CYP2E1: variants seen among roughly 807,000 people sequenced by gnomAD.
CYP2E1 encodes the protein cytochrome P450 2E1.
In CYP2E1, 31 loss-of-function variants were observed where a neutral mutation model predicts 42.9. The observed-to-expected ratio is 0.72, with a 90% CI of 0.54 to 0.98. The LOEUF (loss-of-function observed/expected upper bound fraction) is 0.98, where lower values mean the gene tolerates loss of function less well. Ranked by LOEUF, CYP2E1 falls within the 50% of genes least tolerant of loss-of-function variation. CYP2E1 has a pLI of 0.00. For synonymous variants in CYP2E1, 244 were observed against 248.9 expected (o/e 0.98, Z 0.19); for missense variants, 565 against 633.2 (o/e 0.89, Z 1.16).
Position 133,528,613 on chromosome 10 carries a change from C to T in CYP2E1, c.310C>T (p.Pro104Ser), listed in dbSNP as rs764296273. Residue 104 changes from proline to serine, a missense_variant, in exon 2 of 9, where the codon CCC (proline) becomes TCC (serine). By Grantham distance (74) the Pro-to-Ser change is moderately conservative. Transcript: ENST00000252945. ...KDEFSGRGDL[P>S]AFHAHRDRGI... ...CGAGTTCTCGGGCAGAGGCGACCTC[C>T]CCGCGTTCCATGCGCACAGGGACAG... 2.4e-5 allele frequency: 38 copies of T among 1,613,390 alleles called. No individual in the cohort carries two copies. The highest frequency in any genetic ancestry group is 1.7e-4 in the Middle Eastern group (1 of 6,044).
chr10:133,532,848 C>A lies in CYP2E1; in HGVS notation c.805C>A (p.Leu269Met). Reference sequence around the variant, plus strand: ...CTGTCCCCGGGACCTCACCGACTGCCTGCTCGTGGAAATGGAGAAGGTAGG... The same window carrying A: ...CTGTCCCCGGGACCTCACCGACTGCATGCTCGTGGAAATGGAGAAGGTAGG... ...PNCPRDLTDC[L>M]LVEMEKEKHS... The change falls in exon 5 of 9, where the codon CTG becomes ATG. Residue 269 changes from leucine to methionine, a missense_variant. Physicochemically the swap from Leu to Met is conservative, Grantham distance 15. Coordinates refer to ENST00000252945, the MANE Select transcript of CYP2E1 (RefSeq NM_000773.4). 1 of 1,606,060 alleles carries A rather than the reference C, an allele frequency of 6.2e-7. No homozygotes were observed. The highest frequency in any genetic ancestry group is 8.5e-7 in the Non-Finnish European group (1 of 1,178,100).
Position 133,537,174 on chromosome 10 carries a change from T to C in CYP2E1, c.1079T>C (p.Phe360Ser). The C allele has an allele frequency of 6.2e-7, 1 of 1,614,072 alleles. No homozygotes were observed. The highest frequency in any genetic ancestry group is 1.1e-5 in the South Asian group (1 of 91,068). ...GCTGTGGTGCATGAGATTCAGCGGT[T>C]CATCACCCTCGTGCCCTCCAACCTG... ...MDAVVHEIQR[F>S]ITLVPSNLPH... The change falls in exon 7 of 9, where the codon TTC becomes TCC. Residue 360 changes from phenylalanine (F) to serine (S), a missense_variant. By Grantham distance (155) the Phe-to-Ser change is radical. Coordinates refer to ENST00000252945, the MANE Select transcript of CYP2E1 (RefSeq NM_000773.4).
At chr10:133,533,382 T>A (rs186605322) in intron 5 of CYP2E1, among the ~76,000 whole-genome samples, 2 of 152,348 alleles carry the variant, frequency 1.3e-5, no homozygotes, top group African/African-American at 4.8e-5. Flanking sequence ...CAGGACTGTC[T>A]GAGCATCTTC....
intron 8 of CYP2E1, among the ~76,000 whole-genome samples, chr10:133,538,433 CTTCTAACAGG>C (rs552863272): frequency 3.3e-5 from 5 of 152,288 alleles, no homozygotes; most frequent in African/African-American, 1.2e-4. Flanking sequence ...GGAGCCCCAG[CTTCTAACAGG>C]GCACTATTTC....
chr10:133,537,312 GC>G, intron 7 of CYP2E1, 62 bp downstream of exon 7: 1 of 1,558,212 alleles, frequency 6.4e-7, no homozygotes, highest in Non-Finnish European at 8.7e-7. Context: ...TCGCCTTCCT[GC>G]CAGGGAGCAG....
At chr10:133,533,271 C>T (rs1369546555) in intron 5 of CYP2E1, among the ~76,000 whole-genome samples, 1 of 152,186 alleles carries the variant, frequency 6.6e-6, no homozygotes, top group Non-Finnish European at 1.5e-5. Context: ...GATCCTGATC[C>T]CCTGCCCCCT....
intron 8 of CYP2E1, among the ~76,000 whole-genome samples, chr10:133,538,170 G>T (rs1298550701): frequency 6.6e-6 from 1 of 151,596 alleles, no homozygotes; most frequent in Non-Finnish European, 1.5e-5. Flanking sequence ...GCTAAATTTT[G>T]TTTCTATTTT....
Position 133,527,384 on chromosome 10 carries a change from C to T in CYP2E1, c.-12C>T. 1 of 1,594,138 alleles carries T rather than the reference C, an allele frequency of 6.3e-7. No homozygotes were observed. The highest frequency in any genetic ancestry group is 8.6e-7 in the Non-Finnish European group (1 of 1,167,552). Reference sequence around the variant, plus strand: ...TTGTCTCCCGGGCTGGCAGCAGGGCCCCAGCGGCACCATGTCTGCCCTCGG... The same window carrying T: ...TTGTCTCCCGGGCTGGCAGCAGGGCTCCAGCGGCACCATGTCTGCCCTCGG... On this transcript the variant is annotated 5_prime_UTR_variant, in exon 1 of 9. Coordinates refer to ENST00000252945, the MANE Select transcript of CYP2E1 (RefSeq NM_000773.4).
Position 133,537,630 on chromosome 10 carries a change from A to G in CYP2E1, c.1156-121A>G, listed in dbSNP as rs968626734. ...AATCCTTCACTAAGCAACTCCTTCA[A>G]CTGGAAATATACTATCCTATATAGC... On this transcript the variant is annotated intron_variant, in intron 7 of 8. Coordinates refer to ENST00000252945, the MANE Select transcript of CYP2E1 (RefSeq NM_000773.4). The G allele has an allele frequency of 1.8e-5, 16 of 870,646 alleles. No individual in the cohort carries two copies. The African/African-American group carries it at 2.3e-4, about 13-fold the overall frequency. 53.9% of individuals were successfully genotyped at this position (870,646 alleles called of 1,614,324 possible).
chr10:133,536,267 A>T (rs906856772), intron 6 of CYP2E1, among the ~76,000 whole-genome samples: 1 of 152,112 alleles, frequency 6.6e-6, no homozygotes, highest in Non-Finnish European at 1.5e-5. Flanking sequence ...AACCTCATAG[A>T]GCTTAGCTCT....
chr10:133,532,506 C>T (rs1204295281), intron 4 of CYP2E1, among the ~76,000 whole-genome samples, 186 bp from the exon 5 acceptor site: 1 of 152,120 alleles, frequency 6.6e-6, no homozygotes, highest in East Asian at 1.9e-4. Context: ...TGTGTGTGCA[C>T]ATTTGCCATG....
At chr10:133,528,704 C>T (rs1432050911) in intron 2 of CYP2E1, 64 bp downstream of exon 2, 4 of 1,580,570 alleles carry the variant, frequency 2.5e-6, no homozygotes, top group Non-Finnish European at 8.6e-7. Context: ...GTTACGGGCG[C>T]TAGCCACGTC....
rs762162892 is a variant in CYP2E1, at chr10:133,539,057, A to G, written c.*93A>G. The G allele has an allele frequency of 8.7e-6, 8 of 924,230 alleles. No individual in the cohort carries two copies. The highest frequency in any genetic ancestry group is 2.5e-4 in the Middle Eastern group (1 of 3,932). 57.3% of individuals were successfully genotyped at this position (924,230 alleles called of 1,614,324 possible). ...CTCAAACTGATTCCTTTCTTTGCATATGAGTATTTGAAAATAAATATTTTC... is the reference window on the plus strand; with the variant it reads ...CTCAAACTGATTCCTTTCTTTGCATGTGAGTATTTGAAAATAAATATTTTC... On this transcript the variant is annotated 3_prime_UTR_variant, in exon 9 of 9. Transcript: ENST00000252945.
At chr10:133,529,420 C>T (rs1564847350) in intron 2 of CYP2E1, among the ~76,000 whole-genome samples, 1 of 152,246 alleles carries the variant, frequency 6.6e-6, no homozygotes, top group South Asian at 2.1e-4. Flanking sequence ...TCCTCCCTCC[C>T]TGCCTGCCCT....
At chr10:133,537,720 G>T (rs1158540158) in intron 7 of CYP2E1, 31 bp from the exon 8 acceptor site, 2 of 1,593,210 alleles carry the variant, frequency 1.3e-6, no homozygotes, top group South Asian at 2.3e-5. Flanking sequence ...TTGTTAACAT[G>T]ACTCACTGAG....
chr10:133,529,586 A>G (rs1851313226), intron 2 of CYP2E1, among the ~76,000 whole-genome samples: 1 of 152,262 alleles, frequency 6.6e-6, no homozygotes, highest in South Asian at 2.1e-4. Context: ...TTATTTGTCC[A>G]GCGTACATTT....
At chr10:133,532,325 G>A (rs1851349080) in intron 4 of CYP2E1, 41 bp downstream of exon 4, 1 of 1,575,464 alleles carries the variant, frequency 6.3e-7, no homozygotes, top group East Asian at 2.3e-5. Flanking sequence ...CAACTGTAGA[G>A]TTTACGTTAG....
chr10:133,528,887 GC>G (rs1031326020), intron 2 of CYP2E1, among the ~76,000 whole-genome samples: 6 of 152,230 alleles, frequency 3.9e-5, no homozygotes, highest in African/African-American at 1.4e-4. Flanking sequence ...GATGGGCGGG[GC>G]TGCTTCTGAG....
chr10:133,531,636 T>G lies in CYP2E1; in HGVS notation c.389T>G (p.Leu130Arg). The G allele has an allele frequency of 6.2e-7, 1 of 1,614,070 alleles. No individual in the cohort carries two copies. Among genetic ancestry groups the G allele is most frequent in the African/African-American group, 1.3e-5 (1 of 75,048 alleles). Residue 130 changes from leucine (L) to arginine (R), a missense_variant, in exon 3 of 9, where the codon CTG (leucine) becomes CGG (arginine). Physicochemically the swap from Leu to Arg is moderately radical, Grantham distance 102. Transcript: ENST00000252945. ...PTWKDIRRFS[L>R]TTLRNYGMGK... is the part of the protein sequence containing the mutation. ...TGGAAGGACATCCGGCGGTTTTCCC[T>G]GACCACCCTCCGGAACTATGGGATG... is the stretch of plus-strand genomic sequence containing the variant.
Sources: allele counts gnomAD v4.1 joint callset (sites outside exome capture counted in the v4.1 genomes callset), GRCh38; gene constraint gnomAD v4.1.1; transcripts MANE v1.5; gene names NCBI Gene and HGNC (gene_info 2026-07-23, HGNC 2026-07-21).